The following PON3 variants were observed in gnomAD, a reference collection of about 807,000 sequenced individuals.
PON3 encodes the protein paraoxonase 3.
In PON3, 37 loss-of-function variants were observed where a neutral mutation model predicts 36.3. The observed-to-expected ratio is 1.02, with a 90% CI of 0.78 to 1.34. PON3 has a LOEUF of 1.34. Among genes scored for constraint, PON3 ranks in the 40% most tolerant of loss-of-function variants. The pLI is 0.00. For synonymous variants in PON3, 155 were observed against 154.8 expected, an observed-to-expected ratio of 1.00 and a Z score of -0.01; for missense variants, 415 against 426.5, an observed-to-expected ratio of 0.97 and a Z score of 0.24.
At chr7:95,375,623 A>G (rs1348438524) in intron 3 of PON3, among the ~76,000 whole-genome samples, 6 of 152,206 alleles carry the variant, frequency 3.9e-5, no homozygotes, top group African/African-American at 1.4e-4. Context: ...ATAGCCAGCT[A>G]GTGAAAAGAC....
Position 95,372,358 on chromosome 7 carries a change from A to G in PON3, c.202-20T>C. On this transcript the variant is annotated intron_variant, in intron 3 of 8. Coordinates refer to ENST00000265627, the MANE Select transcript of PON3 (RefSeq NM_000940.3). ...TAATCCCTTTTAAAAATAAAGAACA[A>G]GTGTGCACACATATACATATCAAAA... is the stretch of plus-strand genomic sequence containing the variant. 1 of 1,611,788 alleles carries G rather than the reference A, an allele frequency of 6.2e-7. No individual in the cohort carries two copies. The highest frequency in any genetic ancestry group is 8.5e-7 in the Non-Finnish European group (1 of 1,178,438).
intron 3 of PON3, among the ~76,000 whole-genome samples, chr7:95,376,484 C>A (rs996550115): frequency 3.2e-4 from 49 of 152,026 alleles, no homozygotes; most frequent in African/African-American, 1.2e-3. Context: ...TAGAAACAAG[C>A]AAAACAACAG....
chr7:95,386,952 C>A (rs1049002808), intron 3 of PON3, among the ~76,000 whole-genome samples: 1 of 152,146 alleles, frequency 6.6e-6, no homozygotes, highest in Admixed American at 6.6e-5. Flanking sequence ...ATGCTAAAAA[C>A]TCTCAATAAA....
chr7:95,372,589 G>T lies in PON3; in HGVS notation c.202-251C>A, dbSNP rs113269691. The stretch of plus-strand genomic sequence containing the variant: ...GAAGAGTTTTTAATTTAGAGAAAAG[G>T]AGTTAAGCCAAAAAAATATAACAGA... On this transcript the variant is annotated intron_variant, in intron 3 of 8. Transcript: ENST00000265627. Among the ~76,000 whole-genome samples the T allele has an allele frequency of 3.3e-5, 5 of 152,046 alleles. No homozygotes were observed. In the South Asian group the frequency reaches 1.0e-3, roughly 32 times the overall value.
At chr7:95,387,783 A>G (rs951288393) in intron 3 of PON3, among the ~76,000 whole-genome samples, 3 of 152,174 alleles carry the variant, frequency 2.0e-5, no homozygotes, top group Non-Finnish European at 4.4e-5. Flanking sequence ...ACCAAAACAG[A>G]TATATAGACC....
intron 1 of PON3, among the ~76,000 whole-genome samples, chr7:95,395,494 A>G (rs1809409286): frequency 1.3e-5 from 2 of 152,160 alleles, no homozygotes; most frequent in African/African-American, 4.8e-5. Flanking sequence ...AAAACTCTCA[A>G]ACTGGAAGTA....
intron 6 of PON3, among the ~76,000 whole-genome samples, chr7:95,363,182 T>C (rs1429293157): frequency 6.6e-6 from 1 of 152,086 alleles, no homozygotes; most frequent in African/African-American, 2.4e-5. Context: ...TAAAAACTAG[T>C]GCTTGAAAAA....
At chr7:95,385,104 C>T (rs1188924055) in intron 3 of PON3, among the ~76,000 whole-genome samples, 1 of 151,808 alleles carries the variant, frequency 6.6e-6, no homozygotes, top group Non-Finnish European at 1.5e-5. Context: ...ATCGCAAGGA[C>T]AAAAAACCAA....
intron 3 of PON3, among the ~76,000 whole-genome samples, chr7:95,386,588 T>C (rs1562776877): frequency 1.3e-5 from 2 of 152,178 alleles, no homozygotes; most frequent in South Asian, 4.1e-4. Flanking sequence ...TCTGAAACTA[T>C]TCCAATCAAT....
intron 3 of PON3, among the ~76,000 whole-genome samples, chr7:95,383,439 T>A (rs973039043): frequency 6.6e-6 from 1 of 152,202 alleles, no homozygotes; most frequent in African/African-American, 2.4e-5. Flanking sequence ...GACATGATTG[T>A]ATATCTAGAA....
intron 6 of PON3, 146 bp downstream of exon 6, chr7:95,363,717 G>A (rs1808627363): frequency 1.2e-6 from 1 of 813,060 alleles, no homozygotes; most frequent in Non-Finnish European, 2.1e-6. Flanking sequence ...TAGGATGACA[G>A]ATTTAGTGTG....
intron 1 of PON3, chr7:95,395,756 C>A: frequency 5.8e-6 from 1 of 171,608 alleles, no homozygotes; most frequent in Non-Finnish European, 1.3e-5. Context: ...CTACAAAATG[C>A]CAGTTACCGC....
chr7:95,360,051 G>A lies in PON3; in HGVS notation c.987C>T (p.Gly329=). ...VYANNGSVLQ[G]TSVASVYHGK... ...CATGGTACACAGAAGCCACAGAGGT[G>A]CCCTGAAGCACAGAGCCATTGTTGG... Residue 329 remains glycine, a synonymous_variant, in exon 9 of 9, where the codon GGC becomes GGT. Coordinates refer to ENST00000265627, the MANE Select transcript of PON3 (RefSeq NM_000940.3). 6.2e-7 allele frequency: 1 copy of A among 1,613,108 alleles called. No homozygotes were observed. The highest frequency in any genetic ancestry group is 2.2e-5 in the East Asian group (1 of 44,810).
intron 1 of PON3, among the ~76,000 whole-genome samples, chr7:95,394,974 C>G (rs1809397354): frequency 6.6e-6 from 1 of 152,026 alleles, no homozygotes; most frequent in South Asian, 2.1e-4. Flanking sequence ...AATTCTGCTG[C>G]CCAAATAAAA....
intron 3 of PON3, among the ~76,000 whole-genome samples, chr7:95,379,250 G>A (rs536698710): frequency 6.6e-6 from 1 of 152,330 alleles, no homozygotes; most frequent in East Asian, 1.9e-4. Flanking sequence ...AATAGGAACA[G>A]CCCCAATCTA....
chr7:95,367,750 C>A (rs1215452431), intron 4 of PON3, among the ~76,000 whole-genome samples: 1 of 152,200 alleles, frequency 6.6e-6, no homozygotes, highest in Non-Finnish European at 1.5e-5. Flanking sequence ...AGTCACTTCA[C>A]CCTTATATGC....
At chr7:95,384,959 T>C (rs1027596554) in intron 3 of PON3, among the ~76,000 whole-genome samples, 3 of 152,088 alleles carry the variant, frequency 2.0e-5, no homozygotes, top group African/African-American at 7.2e-5. Context: ...AACCCAAATG[T>C]CCAACAATGA....
intron 5 of PON3, chr7:95,365,080 G>A (rs1195889837): frequency 6.6e-6 from 1 of 152,104 alleles, no homozygotes; most frequent in Non-Finnish European, 1.5e-5. Context: ...ACTCCAAAAA[G>A]TATTGCCTGA....
chr7:95,386,921 G>T (rs897204329), intron 3 of PON3, among the ~76,000 whole-genome samples: 2 of 152,080 alleles, frequency 1.3e-5, no homozygotes, highest in African/African-American at 4.8e-5. Context: ...AAAGGCCTTC[G>T]ACAAAATTCA....
Sources: gnomAD v4.1 joint callset for allele counts (sites outside exome capture counted in the v4.1 genomes callset) on GRCh38, gnomAD v4.1.1 for gene constraint, MANE v1.5 for transcripts, NCBI Gene and HGNC (gene_info 2026-07-23, HGNC 2026-07-21) for gene names.